EIF3H: variants seen among roughly 807,000 people sequenced by gnomAD.
EIF3H encodes eIF-3-gamma.
In EIF3H, 26 loss-of-function variants were observed where a neutral mutation model predicts 44.2. That is an observed-to-expected ratio of 0.59 (90% CI 0.43 to 0.82). The LOEUF (loss-of-function observed/expected upper bound fraction) is 0.82, where lower values mean the gene tolerates loss of function less well. Among genes scored for constraint, EIF3H ranks in the 40% least tolerant of loss-of-function variants. The pLI, the probability that EIF3H is intolerant of heterozygous loss-of-function variation, is 0.00. For missense variants in EIF3H, 359 were observed against 432.8 expected (o/e 0.83, Z 1.51); for synonymous variants, 166 against 151.9 (o/e 1.09, Z -0.68).
intron 5 of EIF3H, among the ~76,000 whole-genome samples, chr8:116,650,916 C>T: frequency 6.6e-6 from 1 of 152,154 alleles, no homozygotes; most frequent in Non-Finnish European, 1.5e-5. Flanking sequence ...AGCCATGAGC[C>T]ACTGTTCCTG....
chr8:116,688,780 G>A (rs1370683998), intron 2 of EIF3H, among the ~76,000 whole-genome samples: 1 of 152,108 alleles, frequency 6.6e-6, no homozygotes, highest in African/African-American at 2.4e-5. Context: ...AATATCTTTT[G>A]CAACAAAAAG....
At chr8:116,654,057 T>C (rs1425425928) in intron 5 of EIF3H, among the ~76,000 whole-genome samples, 7 of 152,176 alleles carry the variant, frequency 4.6e-5, no homozygotes, top group Non-Finnish European at 1.5e-5. Context: ...AAAACTTATC[T>C]TTCTGTCTTT....
At chr8:116,676,413 A>G (rs1210339849) in intron 2 of EIF3H, among the ~76,000 whole-genome samples, 2 of 152,178 alleles carry the variant, frequency 1.3e-5, no homozygotes, top group Non-Finnish European at 2.9e-5. Flanking sequence ...GCGAAGCAAG[A>G]CAACTTCTTC....
chr8:116,662,210 G>A (rs1299771166), intron 2 of EIF3H, among the ~76,000 whole-genome samples: 6 of 152,142 alleles, frequency 3.9e-5, no homozygotes, highest in African/African-American at 1.2e-4. Flanking sequence ...GTAAAGTGAA[G>A]GAGATTCTCT....
chr8:116,659,404 C>T (rs1813547318), intron 2 of EIF3H, among the ~76,000 whole-genome samples: 1 of 152,140 alleles, frequency 6.6e-6, no homozygotes, highest in South Asian at 2.1e-4. Flanking sequence ...TTCAACACAG[C>T]TTTTAGAGCT....
intron 2 of EIF3H, among the ~76,000 whole-genome samples, chr8:116,681,026 T>C (rs1813979453): frequency 6.6e-6 from 1 of 151,422 alleles, no homozygotes; most frequent in African/African-American, 2.4e-5. Flanking sequence ...TGATGAGGAT[T>C]ATTCAATAAT....
upstream of EIF3H, among the ~76,000 whole-genome samples, chr8:116,760,145 A>C (rs774093411): frequency 2.6e-5 from 4 of 152,236 alleles, no homozygotes; most frequent in African/African-American, 4.8e-5. Context: ...TCATTACTTC[A>C]TGACTCTCTG....
chr8:116,702,102 C>T (rs774469030), intron 2 of EIF3H, among the ~76,000 whole-genome samples: 1 of 151,942 alleles, frequency 6.6e-6, no homozygotes, highest in Non-Finnish European at 1.5e-5. Context: ...CCAGGGGTTA[C>T]GTGTGTGAAG....
chr8:116,685,286 G>A (rs899139931), intron 2 of EIF3H, among the ~76,000 whole-genome samples: 3 of 152,170 alleles, frequency 2.0e-5, no homozygotes, highest in Admixed American at 2.0e-4. Context: ...ACTAAGGTTA[G>A]TGTGCAATGT....
chr8:116,731,485 A>G (rs1814949543), intron 1 of EIF3H, among the ~76,000 whole-genome samples: 1 of 152,188 alleles, frequency 6.6e-6, no homozygotes, highest in Non-Finnish European at 1.5e-5. Flanking sequence ...GGTGACTACA[A>G]TACACTGCTG....
chr8:116,650,725 C>T (rs1047698247), intron 5 of EIF3H, among the ~76,000 whole-genome samples: 1 of 152,126 alleles, frequency 6.6e-6, no homozygotes, highest in African/African-American at 2.4e-5. Flanking sequence ...TGCAGTGGGG[C>T]GACCTCCACC....
rs1015664288 is a variant in EIF3H, at chr8:116,740,180, G to A, written c.133-14008C>T. 3.3e-5 allele frequency among the ~76,000 whole-genome samples: 5 copies of A among 152,220 alleles called. No homozygotes were observed. The East Asian group carries it at 9.6e-4, about 29-fold the overall frequency. Reference sequence around the variant, plus strand: ...ATCAGTAACATTAAGCACGTAAACAGTTATTTCCCAACTCCCAAAACTGAG... The same window carrying A: ...ATCAGTAACATTAAGCACGTAAACAATTATTTCCCAACTCCCAAAACTGAG... On this transcript the variant is annotated intron_variant, in intron 1 of 7. Coordinates refer to ENST00000521861, the MANE Select transcript of EIF3H (RefSeq NM_003756.3).
At chr8:116,752,692 G>GAAAA (rs1261353861) in intron 1 of EIF3H, among the ~76,000 whole-genome samples, 1 of 122,250 alleles carries the variant, frequency 8.2e-6, no homozygotes, top group African/African-American at 3.0e-5. Context: ...AAGAAAGAAA[G>GAAAA]AAAGAAAGAA....
intron 2 of EIF3H, among the ~76,000 whole-genome samples, chr8:116,671,403 T>TC (rs1813751680): frequency 6.6e-6 from 1 of 152,166 alleles, no homozygotes; most frequent in Non-Finnish European, 1.5e-5. Flanking sequence ...GGTAATATCA[T>TC]CTTAACAACA....
At chr8:116,665,339 A>G (rs1813650103) in intron 2 of EIF3H, among the ~76,000 whole-genome samples, 1 of 152,216 alleles carries the variant, frequency 6.6e-6, no homozygotes, top group Admixed American at 6.5e-5. Flanking sequence ...TATCACAAAT[A>G]CATAATCAAG....
At chr8:116,735,702 C>T (rs147535789) in intron 1 of EIF3H, among the ~76,000 whole-genome samples, 1 of 152,092 alleles carries the variant, frequency 6.6e-6, no homozygotes, top group East Asian at 1.9e-4. Flanking sequence ...TCGTCTTGGC[C>T]CCATGTGGAT....
chr8:116,757,699 C>A (rs1815472927), upstream of EIF3H, among the ~76,000 whole-genome samples: 1 of 151,176 alleles, frequency 6.6e-6, no homozygotes, highest in Non-Finnish European at 1.5e-5. Flanking sequence ...AATCTTAAGC[C>A]CAAATATATT....
chr8:116,719,845 G>A (rs1017664719), intron 2 of EIF3H, among the ~76,000 whole-genome samples: 1 of 152,074 alleles, frequency 6.6e-6, no homozygotes, highest in East Asian at 1.9e-4. Flanking sequence ...TTATTTACTT[G>A]TTTTACACAA....
intron 2 of EIF3H, among the ~76,000 whole-genome samples, chr8:116,698,526 C>T (rs760414537): frequency 1.3e-5 from 2 of 152,160 alleles, no homozygotes; most frequent in African/African-American, 4.8e-5. Flanking sequence ...TTCATGGTTG[C>T]CCACTATCAA....
Sources: allele counts gnomAD v4.1 joint callset (sites outside exome capture counted in the v4.1 genomes callset), GRCh38; gene constraint gnomAD v4.1.1; transcripts MANE v1.5; gene names NCBI Gene and HGNC (gene_info 2026-07-23, HGNC 2026-07-21).